Variants in DDC observed in about 807,000 individuals in gnomAD.
The protein encoded by DDC is dopa decarboxylase.
A neutral mutation model predicts 60.0 loss-of-function variants in DDC; 43 were observed. The observed-to-expected ratio is 0.72, with a 90% CI of 0.56 to 0.92. The LOEUF (loss-of-function observed/expected upper bound fraction) is 0.92, where lower values mean the gene tolerates loss of function less well. Among genes scored for constraint, DDC ranks in the 40% least tolerant of loss-of-function variants. The pLI is 0.00. For missense variants in DDC, 573 were observed against 620.2 expected (o/e 0.92, Z 0.81); for synonymous variants, 232 against 234.6 (o/e 0.99, Z 0.10).
chr7:50,534,388 G>A (rs1240018655), intron 4 of DDC, among the ~76,000 whole-genome samples: 2 of 152,300 alleles, frequency 1.3e-5, no homozygotes, highest in Non-Finnish European at 1.5e-5. Context: ...CCTGAGGTCA[G>A]GAGTTTGAGA....
Position 50,491,478 on chromosome 7 carries a change from C to T in DDC, c.944+3872G>A, listed in dbSNP as rs117070464. On this transcript the variant is annotated intron_variant, in intron 9 of 14. Transcript: ENST00000444124. ...CCAGACAAAACCCCAAGACTAGAGA[C>T]GCATTTTCTTCTAAAATGCATTTTC... is the stretch of plus-strand genomic sequence containing the variant. 1.0e-3 allele frequency among the ~76,000 whole-genome samples: 155 copies of T among 152,172 alleles called. 3 individuals are homozygous for T. In the East Asian group the frequency reaches 0.025, roughly 24 times the overall value.
intron 3 of DDC, among the ~76,000 whole-genome samples, chr7:50,539,355 C>T (rs2044528717): frequency 1.3e-5 from 2 of 152,296 alleles, no homozygotes; most frequent in South Asian, 2.1e-4. Context: ...GCCAGCCCTG[C>T]CTACCGTTCT....
chr7:50,538,612 G>C (rs777828528), intron 3 of DDC, among the ~76,000 whole-genome samples: 4 of 152,212 alleles, frequency 2.6e-5, no homozygotes, highest in Non-Finnish European at 5.9e-5. Context: ...TTCTACCTGA[G>C]CCTGGCCAAG....
chr7:50,466,271 C>T (rs1302300677), intron 13 of DDC, among the ~76,000 whole-genome samples: 3 of 152,064 alleles, frequency 2.0e-5, no homozygotes, highest in Non-Finnish European at 2.9e-5. Context: ...GGGTGGATCA[C>T]GAGGTCAGAA....
intron 1 of DDC, among the ~76,000 whole-genome samples, chr7:50,564,509 A>G (rs1160309903): frequency 6.6e-6 from 1 of 152,224 alleles, no homozygotes; most frequent in Admixed American, 6.5e-5. Context: ...ATGTAAACTG[A>G]CCACTCAGAA....
intron 9 of DDC, among the ~76,000 whole-genome samples, chr7:50,490,687 T>TCAA (rs920673766): frequency 4.0e-4 from 61 of 152,022 alleles, no homozygotes; most frequent in African/African-American, 6.7e-4. Context: ...AGGCTCTGTC[T>TCAA]CAACAACAAC....
chr7:50,499,101 C>G (rs1286829030), intron 8 of DDC, 47 bp downstream of exon 8: 2 of 1,410,112 alleles, frequency 1.4e-6, no homozygotes, highest in African/African-American at 1.4e-5. Flanking sequence ...AGGTCAATAA[C>G]AGAGCACTGT....
At chr7:50,534,590 T>C (rs1455245378) in intron 4 of DDC, among the ~76,000 whole-genome samples, 1 of 144,120 alleles carries the variant, frequency 6.9e-6, no homozygotes, top group Non-Finnish European at 1.5e-5. Context: ...AGAATGAGAC[T>C]TCGTCTAAAA....
Position 50,524,027 on chromosome 7 carries a change from CTT to C in DDC, c.714+4108_714+4109del, listed in dbSNP as rs2043970177. On this transcript the variant is annotated intron_variant, in intron 6 of 14. Transcript: ENST00000444124. ...CTAGTACAAAAAGACATGGAGGAAA[CTT>C]AAATACATGTTAGTGAAATAAGTCA... Among the ~76,000 whole-genome samples, 4 of 152,186 alleles carry C rather than the reference CTT, an allele frequency of 2.6e-5. No homozygotes were observed. The South Asian group carries it at 8.3e-4, about 32-fold the overall frequency.
intron 3 of DDC, among the ~76,000 whole-genome samples, chr7:50,538,322 G>A (rs2044488680): frequency 6.6e-6 from 1 of 152,132 alleles, no homozygotes. Flanking sequence ...GAAAGTGGGC[G>A]CTGGGCAGCT....
At chr7:50,531,355 T>C (rs546906248) in intron 4 of DDC, among the ~76,000 whole-genome samples, 1 of 152,268 alleles carries the variant, frequency 6.6e-6, no homozygotes, top group African/African-American at 2.4e-5. Context: ...TTGTTTGTCA[T>C]GTCCCACCCA....
intron 7 of DDC, among the ~76,000 whole-genome samples, chr7:50,503,348 T>C (rs1282491107): frequency 6.6e-6 from 1 of 152,224 alleles, no homozygotes; most frequent in Non-Finnish European, 1.5e-5. Context: ...CAGAGCTACA[T>C]GTCAAAGGTG....
At chr7:50,460,957 T>C (rs988738467) in intron 14 of DDC, among the ~76,000 whole-genome samples, 23 of 151,734 alleles carry the variant, frequency 1.5e-4, no homozygotes, top group African/African-American at 5.6e-4. Flanking sequence ...GAGACCTTTG[T>C]TCACTTGTTT....
At chr7:50,459,812 GC>G (rs2042217485) in intron 14 of DDC, 1 of 149,058 alleles carries the variant, frequency 6.7e-6, no homozygotes, top group Non-Finnish European at 1.5e-5. Context: ...CAGGCCAGCC[GC>G]CCCGTCCGGG....
At chr7:50,563,394 T>C (rs2045380158) in intron 1 of DDC, among the ~76,000 whole-genome samples, 1 of 152,142 alleles carries the variant, frequency 6.6e-6, no homozygotes, top group Non-Finnish European at 1.5e-5. Flanking sequence ...AGCAAGATGA[T>C]TACTTTTGTC....
At chr7:50,549,426 G>A (rs923768178) in intron 1 of DDC, among the ~76,000 whole-genome samples, 3 of 152,174 alleles carry the variant, frequency 2.0e-5, no homozygotes, top group African/African-American at 7.2e-5. Context: ...GCCAAGGCGG[G>A]TGGATCACGA....
chr7:50,462,944 A>G (rs887725137), intron 14 of DDC, among the ~76,000 whole-genome samples: 1 of 151,922 alleles, frequency 6.6e-6, no homozygotes, highest in Non-Finnish European at 1.5e-5. Flanking sequence ...TAATTTTTGT[A>G]TTTTTAGTAG....
intron 11 of DDC, among the ~76,000 whole-genome samples, chr7:50,475,351 C>T (rs1039166630): frequency 6.6e-6 from 1 of 152,216 alleles, no homozygotes; most frequent in African/African-American, 2.4e-5. Flanking sequence ...TTTTAAATGG[C>T]ATCATCCATG....
At chr7:50,498,520 C>T (rs1296926949) in intron 8 of DDC, among the ~76,000 whole-genome samples, 1 of 152,264 alleles carries the variant, frequency 6.6e-6, no homozygotes, top group East Asian at 1.9e-4. Context: ...TGAAATAACA[C>T]ACCACAGTAT....
Sources: allele counts gnomAD v4.1 joint callset (sites outside exome capture counted in the v4.1 genomes callset), GRCh38; gene constraint gnomAD v4.1.1; transcripts MANE v1.5; gene names NCBI Gene and HGNC (gene_info 2026-07-23, HGNC 2026-07-21).